KIF26B: variants seen among roughly 807,000 people sequenced by gnomAD.
KIF26B encodes the protein kinesin family member 26B, also known as kinesin-like protein KIF26B.
A neutral mutation model predicts 151.2 loss-of-function variants in KIF26B; 63 were observed. The observed-to-expected ratio is 0.42, with a 90% confidence interval of 0.34 to 0.51. The LOEUF (loss-of-function observed/expected upper bound fraction) is 0.51. KIF26B is among the 20% of genes least tolerant of loss of function. The pLI, the probability that KIF26B is intolerant of heterozygous loss-of-function variation, is 0.07. For synonymous variants in KIF26B, 1,357 were observed against 1,262.1 expected, an observed-to-expected ratio of 1.08 and a Z score of -1.59; for missense variants, 2,813 against 2,913.6, an observed-to-expected ratio of 0.97 and a Z score of 0.79.
intron 2 of KIF26B, among the ~76,000 whole-genome samples, chr1:245,259,008 T>C (rs535568186): frequency 6.6e-6 from 1 of 152,272 alleles, no homozygotes; most frequent in East Asian, 1.9e-4. Context: ...GCCAGTCCAG[T>C]TTCTGCAACA....
intron 3 of KIF26B, among the ~76,000 whole-genome samples, chr1:245,411,492 C>T (rs538495671): frequency 6.6e-6 from 1 of 152,308 alleles, no homozygotes; most frequent in East Asian, 1.9e-4. Context: ...TCATCTGTTT[C>T]TCTGCCTGCA....
chr1:245,595,190 CA>C (rs2043327038), intron 5 of KIF26B, among the ~76,000 whole-genome samples: 1 of 152,192 alleles, frequency 6.6e-6, no homozygotes, highest in African/African-American at 2.4e-5. Context: ...CCAGAACTTC[CA>C]ATACCATATT....
chr1:245,285,384 CT>C (rs1336988744), intron 2 of KIF26B, among the ~76,000 whole-genome samples: 9 of 152,124 alleles, frequency 5.9e-5, no homozygotes, highest in African/African-American at 2.2e-4. Context: ...CATATTCTGC[CT>C]CTAGTGGAAG....
At chr1:245,419,542 C>T (rs1268570645) in intron 3 of KIF26B, 37 bp from the exon 4 acceptor site, 1 of 1,570,076 alleles carries the variant, frequency 6.4e-7, no homozygotes, top group South Asian at 1.2e-5. Flanking sequence ...AGCAGTGAGC[C>T]ACAGGTAATG....
chr1:245,612,054 T>TTG (rs5782359), intron 9 of KIF26B, 78 bp downstream of exon 9: 14,999 of 676,254 alleles, frequency 0.022, 396 homozygotes, highest in African/African-American at 0.066. Context: ...ACCATGACCT[T>TTG]TGTGTGTGTG....
chr1:245,611,839 C>T lies in KIF26B; in HGVS notation c.1961C>T (p.Ala654Val), dbSNP rs2043525408. ...CGGGCCCCCACCGCAGAGAAGGCTGCCTTTTTCCTGGATGCCGCCATTGCC... is the reference window on the plus strand; with the variant it reads ...CGGGCCCCCACCGCAGAGAAGGCTGTCTTTTTCCTGGATGCCGCCATTGCC... ...ELRAPTAEKA[A>V]FFLDAAIASR... The change falls in exon 9 of 15, where the codon GCC (alanine) becomes GTC (valine). Residue 654 changes from alanine to valine, a missense_variant. Ala to Val is a moderately conservative substitution (Grantham distance 64). This residue lies in a region of KIF26B where 2,060 missense variants were observed against 2,088.6 expected (regional missense o/e 0.99). Coordinates refer to ENST00000407071, the MANE Select transcript of KIF26B (RefSeq NM_018012.4). 6.2e-7 allele frequency: 1 copy of T among 1,613,876 alleles called. No homozygotes were observed. Among genetic ancestry groups the T allele is most frequent in the Non-Finnish European group, 8.5e-7 (1 of 1,179,884 alleles).
At chr1:245,462,872 GAATGAATGAATA>G (rs996966922) in intron 4 of KIF26B, among the ~76,000 whole-genome samples, 62 of 152,144 alleles carry the variant, frequency 4.1e-4, no homozygotes, top group Admixed American at 1.1e-3. Flanking sequence ...ATGAATGAAT[GAATGAATGAATA>G]AGACCTGAAG....
At chr1:245,435,125 A>G (rs1031245738) in intron 4 of KIF26B, among the ~76,000 whole-genome samples, 31 of 142,584 alleles carry the variant, frequency 2.2e-4, no homozygotes, top group African/African-American at 6.0e-4. Flanking sequence ...CCATCTCTCC[A>G]TCTACCCATC....
chr1:245,189,681 T>A (rs1669062958), intron 2 of KIF26B, among the ~76,000 whole-genome samples: 1 of 151,980 alleles, frequency 6.6e-6, no homozygotes, highest in African/African-American at 2.4e-5. Flanking sequence ...GCGCCTTCTC[T>A]GTGGCAGGGA....
At chr1:245,511,300 G>T (rs1194106920) in intron 4 of KIF26B, among the ~76,000 whole-genome samples, 1 of 152,110 alleles carries the variant, frequency 6.6e-6, no homozygotes, top group African/African-American at 2.4e-5. Flanking sequence ...CTTGTTCAAT[G>T]GACTTGCAGA....
chr1:245,667,957 G>A lies in KIF26B; in HGVS notation c.2259-16276G>A, dbSNP rs559633132. ...CCAGGCTGGAGTGCAGTGCAGTGGCGCAATCTCAGCTCACTGCAACTTCCA... is the reference window on the plus strand; with the variant it reads ...CCAGGCTGGAGTGCAGTGCAGTGGCACAATCTCAGCTCACTGCAACTTCCA... On this transcript the variant is annotated intron_variant, in intron 10 of 14. Coordinates refer to ENST00000407071, the MANE Select transcript of KIF26B (RefSeq NM_018012.4). This position sits in a 1 kb window ranked among gnomAD's most constrained non-coding sequence, Gnocchi z 4.3. Among the ~76,000 whole-genome samples the A allele has an allele frequency of 2.6e-5, 4 of 152,192 alleles. No homozygotes were observed. The highest frequency in any genetic ancestry group is 4.2e-4 in the South Asian group (2 of 4,808).
At chr1:245,403,548 G>A (rs1054619223) in intron 3 of KIF26B, among the ~76,000 whole-genome samples, 2 of 152,130 alleles carry the variant, frequency 1.3e-5, no homozygotes, top group East Asian at 3.9e-4. Flanking sequence ...GGGTGTGTGT[G>A]TGTGCGCGCG....
At chr1:245,412,056 TGGC>T (rs1480699817) in intron 3 of KIF26B, among the ~76,000 whole-genome samples, 3 of 152,236 alleles carry the variant, frequency 2.0e-5, no homozygotes, top group African/African-American at 4.8e-5. Flanking sequence ...AAATGTATTC[TGGC>T]ATATTCTAAG....
rs922639469 is a variant in KIF26B, at chr1:245,698,587, T to C, written c.6027+279T>C. Among the ~76,000 whole-genome samples, 3 of 152,172 alleles carry C rather than the reference T, an allele frequency of 2.0e-5. No homozygotes were observed. The highest frequency in any genetic ancestry group is 4.8e-5 in the African/African-American group (2 of 41,432). On this transcript the variant is annotated intron_variant, in intron 13 of 14. Coordinates refer to ENST00000407071, the MANE Select transcript of KIF26B (RefSeq NM_018012.4). This position sits in a 1 kb window ranked among gnomAD's most constrained non-coding sequence, Gnocchi z 4.0. ...GGGGGCTTTTCTGGCTCCTTGAGGC[T>C]CCCAGTCTTAACCAACCTTTGTCCA...
intron 9 of KIF26B, among the ~76,000 whole-genome samples, chr1:245,621,973 A>G (rs1027818632): frequency 3.9e-5 from 6 of 152,218 alleles, no homozygotes; most frequent in African/African-American, 9.6e-5. Context: ...GTTTTACTAC[A>G]TGTACATTAT....
rs115414026 is a variant in KIF26B, at chr1:245,681,563, G to T, written c.2259-2670G>T. ...CACAGGGTCACGTGGAGATACAGGG[G>T]GATGCGCCTTCGGCCCATCTGTATG... On this transcript the variant is annotated intron_variant, in intron 10 of 14. Transcript: ENST00000407071. Among the ~76,000 whole-genome samples the T allele has an allele frequency of 7.0e-3, 1,061 of 152,244 alleles. 9 individuals carry two copies. The highest frequency in any genetic ancestry group is 0.025 in the African/African-American group (1,020 of 41,534).
intron 5 of KIF26B, among the ~76,000 whole-genome samples, chr1:245,550,338 A>G (rs1661849391): frequency 6.6e-6 from 1 of 152,190 alleles, no homozygotes; most frequent in Non-Finnish European, 1.5e-5. Context: ...TTCCAATGCT[A>G]GCTTCTTCAG....
Position 245,686,517 on chromosome 1 carries a change from G to A in KIF26B, c.3534G>A (p.Gln1178=). The change falls in exon 12 of 15, where the codon CAG becomes CAA. Residue 1178 remains glutamine, a synonymous_variant. Coordinates refer to ENST00000407071, the MANE Select transcript of KIF26B (RefSeq NM_018012.4). The surrounding 1 kb of genome is among the most constrained non-coding windows in gnomAD (Gnocchi z 5.6). ...ILSTTMVTVQ[Q]PLELNGEDEL... is the part of the protein sequence containing the mutation. The stretch of plus-strand genomic sequence containing the variant: ...GCACCACGATGGTGACGGTGCAGCA[G>A]CCACTGGAGCTGAACGGTGAGGACG... 1 of 1,613,050 alleles carries A rather than the reference G, an allele frequency of 6.2e-7. No homozygotes were observed.
At chr1:245,267,485 TTTTCTGAAATCTCA>T (rs1670767275) in intron 2 of KIF26B, among the ~76,000 whole-genome samples, 1 of 152,174 alleles carries the variant, frequency 6.6e-6, no homozygotes, top group South Asian at 2.1e-4. Flanking sequence ...AATTTTACTC[TTTTCTGAAATCTCA>T]TTTCTTATTT....
Sources: allele counts gnomAD v4.1 joint callset (sites outside exome capture counted in the v4.1 genomes callset), GRCh38; gene constraint gnomAD v4.1.1; regional missense constraint gnomAD v4.1.1; non-coding constraint Gnocchi (gnomAD v3.1); transcripts MANE v1.5; gene names NCBI Gene and HGNC (gene_info 2026-07-23, HGNC 2026-07-21).